ZMAT4: variants seen among roughly 807,000 people sequenced by gnomAD.
ZMAT4 encodes the protein zinc finger matrin-type protein 4.
ZMAT4 carries 17 observed loss-of-function variants against 28.7 expected under a neutral mutation model. The observed-to-expected ratio is 0.59, with a 90% CI of 0.41 to 0.89. The LOEUF (loss-of-function observed/expected upper bound fraction) is 0.89, where lower values mean the gene tolerates loss of function less well. Among genes scored for constraint, ZMAT4 ranks in the 40% least tolerant of loss-of-function variants. The probability of loss-of-function intolerance (pLI) is 0.00; values close to 1 mark genes in which losing one functional copy is unlikely to be tolerated. For missense variants in ZMAT4, 240 were observed against 283.8 expected, an observed-to-expected ratio of 0.85 and a Z score of 1.11; for synonymous variants, 117 against 109.2, an observed-to-expected ratio of 1.07 and a Z score of -0.44.
chr8:40,610,844 A>T (rs1023680302), intron 5 of ZMAT4, among the ~76,000 whole-genome samples: 8 of 151,802 alleles, frequency 5.3e-5, no homozygotes, highest in African/African-American at 1.7e-4. Flanking sequence ...CATAGAAAAA[A>T]TGAAAAAAAA....
At chr8:40,624,312 C>T (rs146321151) in intron 5 of ZMAT4, among the ~76,000 whole-genome samples, 1 of 152,324 alleles carries the variant, frequency 6.6e-6, no homozygotes, top group African/African-American at 2.4e-5. Flanking sequence ...ATGTGAGGGT[C>T]AGCGAGAGGG....
intron 2 of ZMAT4, among the ~76,000 whole-genome samples, chr8:40,816,804 G>T (rs1815558531): frequency 6.6e-6 from 1 of 152,170 alleles, no homozygotes; most frequent in Non-Finnish European, 1.5e-5. Context: ...TCAAGAAAAA[G>T]AAGTCAGAAT....
intron 2 of ZMAT4, among the ~76,000 whole-genome samples, chr8:40,776,447 TA>T (rs1813600698): frequency 6.6e-6 from 1 of 152,168 alleles, no homozygotes; most frequent in East Asian, 1.9e-4. Context: ...CAATTTTAAA[TA>T]AAAGTCCTGC....
At chr8:40,546,437 C>A (rs1803205068) in intron 6 of ZMAT4, among the ~76,000 whole-genome samples, 1 of 152,136 alleles carries the variant, frequency 6.6e-6, no homozygotes. Context: ...TTCTCAAACT[C>A]TATGTTCACT....
chr8:40,632,142 A>C (rs1806609774), intron 5 of ZMAT4, among the ~76,000 whole-genome samples: 1 of 152,146 alleles, frequency 6.6e-6, no homozygotes, highest in Non-Finnish European at 1.5e-5. Flanking sequence ...CTGGGCTGAG[A>C]ATTCCTGGGG....
At chr8:40,871,013 CAGTGACCTTCA>C (rs1470485189) in intron 1 of ZMAT4, among the ~76,000 whole-genome samples, 1 of 152,180 alleles carries the variant, frequency 6.6e-6, no homozygotes, top group Non-Finnish European at 1.5e-5. Context: ...ATAACCTCTT[CAGTGACCTTCA>C]AGGGAAGTTG....
intron 5 of ZMAT4, among the ~76,000 whole-genome samples, chr8:40,664,444 ACC>A (rs1456227060): frequency 2.0e-5 from 3 of 152,194 alleles, no homozygotes; most frequent in African/African-American, 7.2e-5. Flanking sequence ...GGTTGCCACC[ACC>A]ATGATCCAAG....
intron 5 of ZMAT4, among the ~76,000 whole-genome samples, chr8:40,666,031 C>T (rs1360994179): frequency 1.3e-5 from 2 of 152,104 alleles, no homozygotes; most frequent in African/African-American, 4.8e-5. Context: ...GTGCATTTTT[C>T]CATCCTAAAG....
intron 1 of ZMAT4, among the ~76,000 whole-genome samples, chr8:40,870,484 C>G (rs558447273): frequency 6.6e-6 from 1 of 152,324 alleles, no homozygotes; most frequent in South Asian, 2.1e-4. Flanking sequence ...TTTTCCCTCC[C>G]CTATACACAC....
chr8:40,885,873 T>C (rs1003923295), intron 1 of ZMAT4, among the ~76,000 whole-genome samples: 1 of 152,198 alleles, frequency 6.6e-6, no homozygotes, highest in Non-Finnish European at 1.5e-5. Flanking sequence ...CTGTTCCCCT[T>C]GTGGGGCTTC....
At chr8:40,886,897 C>T (rs936604182) in intron 1 of ZMAT4, among the ~76,000 whole-genome samples, 4 of 152,164 alleles carry the variant, frequency 2.6e-5, no homozygotes, top group Admixed American at 6.5e-5. Context: ...TGAGGTAGGG[C>T]GCAGTGGCTC....
chr8:40,541,984 G>A (rs914458305), intron 6 of ZMAT4, among the ~76,000 whole-genome samples: 1 of 152,204 alleles, frequency 6.6e-6, no homozygotes. Context: ...GCTGGCCCTC[G>A]GGCAGAGTGG....
chr8:40,549,653 C>T (rs576581212), intron 6 of ZMAT4, among the ~76,000 whole-genome samples: 19 of 152,236 alleles, frequency 1.2e-4, no homozygotes, highest in African/African-American at 3.9e-4. Flanking sequence ...TTTCCACTGT[C>T]ACTGCTATAG....
chr8:40,843,533 C>A (rs1816774287), intron 1 of ZMAT4, among the ~76,000 whole-genome samples: 1 of 152,256 alleles, frequency 6.6e-6, no homozygotes. Context: ...CCTCTTCCCA[C>A]TGGACTAAAA....
At chr8:40,859,765 G>A (rs1586180037) in intron 1 of ZMAT4, among the ~76,000 whole-genome samples, 1 of 152,006 alleles carries the variant, frequency 6.6e-6, no homozygotes. Context: ...TGATGACTAT[G>A]AGCAGCCAAG....
chr8:40,555,256 C>T (rs1045488676), intron 6 of ZMAT4, among the ~76,000 whole-genome samples: 27 of 152,030 alleles, frequency 1.8e-4, no homozygotes, highest in Non-Finnish European at 3.7e-4. Context: ...TTTGCGATTG[C>T]GAATACTGCC....
intron 1 of ZMAT4, among the ~76,000 whole-genome samples, chr8:40,830,333 C>A (rs1816234975): frequency 6.6e-6 from 1 of 152,166 alleles, no homozygotes. Flanking sequence ...CCCTCTTCCA[C>A]TCTTTCCCGC....
In ZMAT4 at chr8:40,564,038, C is replaced by T. The variant is rs75857725; in HGVS notation, c.674+17127G>A. The stretch of plus-strand genomic sequence containing the variant: ...GATTGTCAGAGACCACACATCTAAT[C>T]TCCACCAGCCTTTTCTGAATAAATA... On this transcript the variant is annotated intron_variant, in intron 6 of 6. Coordinates refer to ENST00000297737, the MANE Select transcript of ZMAT4 (RefSeq NM_024645.3). Among the ~76,000 whole-genome samples the T allele has an allele frequency of 2.7e-3, 414 of 152,268 alleles. 1 individual carries two copies. Among genetic ancestry groups the T allele is most frequent in the African/African-American group, 9.6e-3 (399 of 41,558 alleles).
At chr8:40,681,819 C>T (rs773400604) in intron 4 of ZMAT4, among the ~76,000 whole-genome samples, 1 of 151,886 alleles carries the variant, frequency 6.6e-6, no homozygotes, top group Non-Finnish European at 1.5e-5. Context: ...AAGTTAGATA[C>T]TCTTAATAGA....
Sources: gnomAD v4.1 joint callset for allele counts (sites outside exome capture counted in the v4.1 genomes callset) on GRCh38, gnomAD v4.1.1 for gene constraint, MANE v1.5 for transcripts, NCBI Gene and HGNC (gene_info 2026-07-23, HGNC 2026-07-21) for gene names.